The following MAX variants were observed in gnomAD, a reference collection of about 807,000 sequenced individuals.
The protein encoded by MAX is MYC associated transcriptional regulator X, also known as protein max.
Under a neutral mutation model 22.3 loss-of-function variants are expected in MAX, and 3 were observed. The ratio of observed to expected loss-of-function variants is 0.13; its 90% CI spans 0.06 to 0.35. The LOEUF (loss-of-function observed/expected upper bound fraction) is 0.35. Ranked by LOEUF, MAX falls within the 10% of genes least tolerant of loss-of-function variation. The pLI, the probability that MAX is intolerant of heterozygous loss-of-function variation, is 1.00. For missense variants in MAX, 119 were observed against 209.4 expected (o/e 0.57, Z 2.66); for synonymous variants, 72 against 77.7 (o/e 0.93, Z 0.39).
At chr14:65,021,786 C>T (rs546559007) in intron 3 of MAX, among the ~76,000 whole-genome samples, 31 of 152,308 alleles carry the variant, frequency 2.0e-4, no homozygotes, top group African/African-American at 6.5e-4. Flanking sequence ...GCTGGGACTA[C>T]GGGCGCATGC....
At chr14:65,101,811 G>A (rs935988839) in intron 1 of MAX, 14 of 582,372 alleles carry the variant, frequency 2.4e-5, no homozygotes, top group African/African-American at 1.7e-4. Flanking sequence ...GGGCCAGAGG[G>A]GTCCCGAGCA....
intron 2 of MAX, among the ~76,000 whole-genome samples, chr14:65,096,469 A>C (rs1300033045): frequency 6.6e-6 from 1 of 152,236 alleles, no homozygotes; most frequent in Non-Finnish European, 1.5e-5. Flanking sequence ...CACAAGGCTG[A>C]GAATTCTCTG....
At position 65,084,096 on chromosome 14, in the gene MAX, G is replaced by C. The variant is rs778129201; in HGVS notation, c.172-6060C>G. 3.1e-6 allele frequency: 5 copies of C among 1,601,458 alleles called. No homozygotes were observed. Among genetic ancestry groups the C allele is most frequent in the Non-Finnish European group, 4.3e-6 (5 of 1,172,084 alleles). On this transcript the variant is annotated intron_variant, in intron 3 of 4. Coordinates refer to ENST00000358664, the MANE Select transcript of MAX (RefSeq NM_002382.5). The surrounding 1 kb of genome is among the most constrained non-coding windows in gnomAD (Gnocchi z 4.3). ...ACAGGACCATTTTGCTGATTACCAG[G>C]GTAAGGCAGAGCTATCAGCCCTCAA...
At chr14:65,095,054 A>G (rs2063621771) in intron 2 of MAX, among the ~76,000 whole-genome samples, 1 of 152,272 alleles carries the variant, frequency 6.6e-6, no homozygotes, top group African/African-American at 2.4e-5. Flanking sequence ...GAGAAGATGT[A>G]CAGACAAAAA....
chr14:65,092,261 C>A (rs758393662), intron 3 of MAX, among the ~76,000 whole-genome samples: 3 of 152,050 alleles, frequency 2.0e-5, no homozygotes, highest in Admixed American at 6.5e-5. Flanking sequence ...AGTAGTGAAT[C>A]GTATGTGGGT....
intron 2 of MAX, among the ~76,000 whole-genome samples, chr14:65,100,040 C>A (rs923498738): frequency 5.3e-5 from 8 of 152,154 alleles, no homozygotes; most frequent in Non-Finnish European, 7.3e-5. Context: ...GTTCTTATAC[C>A]AGAGGTATCA....
At chr14:65,013,509 A>G (rs537024463) in intron 3 of MAX, among the ~76,000 whole-genome samples, 1 of 152,306 alleles carries the variant, frequency 6.6e-6, no homozygotes, top group East Asian at 1.9e-4. Flanking sequence ...GTACCATATC[A>G]GCTAACAATT....
rs761629194 is a variant in MAX at position 65,077,762 on chromosome 14, A to C, written c.295+151T>G. 4 of 1,612,760 alleles carry C rather than the reference A, an allele frequency of 2.5e-6. No individual in the cohort carries two copies. The highest frequency in any genetic ancestry group is 3.3e-5 in the Admixed American group (2 of 59,918). On this transcript the variant is annotated intron_variant, in intron 4 of 4. Coordinates refer to ENST00000358664, the MANE Select transcript of MAX (RefSeq NM_002382.5). The surrounding 1 kb of genome is among the most constrained non-coding windows in gnomAD (Gnocchi z 6.3). Reference sequence around the variant, plus strand: ...CAGGTCCTTCCTCAGGACGGCTCTAACACTCAGTTACTCAGGCCCCAAGAA... The same window carrying C: ...CAGGTCCTTCCTCAGGACGGCTCTACCACTCAGTTACTCAGGCCCCAAGAA...
In MAX at chr14:65,011,891, C is replaced by T. The variant is rs1281344214; in HGVS notation, c.172-5607G>A. Reference sequence around the variant, plus strand: ...GGAGAAGTCATCCCAGACGGGGTGACTGAAATGACAGCGGCTGAGGCAGGG... The same window carrying T: ...GGAGAAGTCATCCCAGACGGGGTGATTGAAATGACAGCGGCTGAGGCAGGG... On this transcript the variant is annotated intron_variant, in intron 3 of 3. Transcript: ENST00000341653. The surrounding 1 kb of genome is among the most constrained non-coding windows in gnomAD (Gnocchi z 4.0). Among the ~76,000 whole-genome samples the T allele has an allele frequency of 6.6e-6, 1 of 152,020 alleles. No homozygotes were observed. Among genetic ancestry groups the T allele is most frequent in the Non-Finnish European group, 1.5e-5 (1 of 68,020 alleles).
chr14:65,060,870 C>CAAAAAAAAA (rs58241887), intron 3 of MAX, among the ~76,000 whole-genome samples: 1 of 79,576 alleles, frequency 1.3e-5, no homozygotes. Context: ...AAGACTCTCT[C>CAAAAAAAAA]AAAAAAAAAA....
chr14:65,048,040 T>G (rs138613901), intron 3 of MAX, among the ~76,000 whole-genome samples: 17 of 133,384 alleles, frequency 1.3e-4, no homozygotes, highest in Non-Finnish European at 2.4e-4. Context: ...GAGGCTGGAG[T>G]GCAGTGGTGC....
chr14:65,100,127 T>C (rs1275606542), intron 2 of MAX, among the ~76,000 whole-genome samples: 8 of 152,172 alleles, frequency 5.3e-5, no homozygotes. Flanking sequence ...AAAAATAACA[T>C]AAAGTTTTAG....
intron 2 of MAX, among the ~76,000 whole-genome samples, chr14:65,100,760 T>C (rs574207082): frequency 4.6e-5 from 7 of 152,334 alleles, no homozygotes; most frequent in African/African-American, 1.7e-4. Context: ...CTCAAATCTA[T>C]TCATGAAACA....
chr14:65,101,937 G>A (rs2063856351), intron 1 of MAX, among the ~76,000 whole-genome samples: 1 of 152,146 alleles, frequency 6.6e-6, no homozygotes, highest in Non-Finnish European at 1.5e-5. Flanking sequence ...GTCCGAAGGG[G>A]CAGGTCCTGA....
chr14:65,046,234 C>T (rs1401318100), intron 3 of MAX, among the ~76,000 whole-genome samples: 1 of 152,108 alleles, frequency 6.6e-6, no homozygotes, highest in African/African-American at 2.4e-5. Flanking sequence ...CCTTGGCCTC[C>T]CAAAGTGCTG....
rs574413178 is a variant in MAX, at chr14:65,054,013, A to G, written c.171+39695T>C. Among the ~76,000 whole-genome samples the G allele has an allele frequency of 6.6e-6, 1 of 152,362 alleles. No individual in the cohort carries two copies. The highest frequency in any genetic ancestry group is 2.1e-4 in the South Asian group (1 of 4,826). On this transcript the variant is annotated intron_variant, in intron 3 of 3. Transcript: ENST00000341653. This position sits in a 1 kb window ranked among gnomAD's most constrained non-coding sequence, Gnocchi z 4.4. ...GACAGCTGGAGAGACTGACTTTAAA[A>G]TTACAGTTTCCTTTAATAGTTTAAG...
At chr14:65,055,705 C>T (rs935401356) in intron 3 of MAX, among the ~76,000 whole-genome samples, 1 of 151,916 alleles carries the variant, frequency 6.6e-6, no homozygotes, top group Non-Finnish European at 1.5e-5. Context: ...TTAGTAGAGA[C>T]AGGGTTTCCC....
At chr14:65,061,014 G>A (rs1433748290) in intron 3 of MAX, among the ~76,000 whole-genome samples, 1 of 151,738 alleles carries the variant, frequency 6.6e-6, no homozygotes, top group African/African-American at 2.4e-5. Flanking sequence ...TGTGTCCCAT[G>A]TACTAGATAG....
In MAX at chr14:65,011,472, C is replaced by T. The variant is rs114370689; in HGVS notation, c.172-5188G>A. ...AAAAAAGACTGCATGAAGGCTCTTA[C>T]TCTGAGCCAAGTACAGTGGGAATTT... is the stretch of plus-strand genomic sequence containing the variant. On this transcript the variant is annotated intron_variant, in intron 3 of 3. Coordinates refer to the MAX transcript ENST00000341653. The surrounding 1 kb of genome is among the most constrained non-coding windows in gnomAD (Gnocchi z 4.0). Among the ~76,000 whole-genome samples the T allele has an allele frequency of 9.2e-3, 1,371 of 148,982 alleles. 21 individuals carry two copies. The highest frequency in any genetic ancestry group is 0.031 in the African/African-American group (1,270 of 40,566).
Sources: allele counts gnomAD v4.1 joint callset (sites outside exome capture counted in the v4.1 genomes callset), GRCh38; gene constraint gnomAD v4.1.1; non-coding constraint Gnocchi (gnomAD v3.1); transcripts MANE v1.5; gene names NCBI Gene and HGNC (gene_info 2026-07-23, HGNC 2026-07-21).